The following MEIS1 variants were observed in gnomAD, a reference collection of about 807,000 sequenced individuals.
MEIS1 encodes Meis homeobox 1, also known as homeobox protein Meis1.
In MEIS1, 5 loss-of-function variants were observed where a neutral mutation model predicts 50.8. The ratio of observed to expected loss-of-function variants is 0.10; its 90% confidence interval spans 0.05 to 0.21. The LOEUF (loss-of-function observed/expected upper bound fraction) is 0.21. Ranked by LOEUF, MEIS1 falls within the 10% of genes least tolerant of loss-of-function variation. The probability of loss-of-function intolerance (pLI) is 1.00; values close to 1 mark genes in which losing one functional copy is unlikely to be tolerated. For synonymous variants in MEIS1, 176 were observed against 179.3 expected, an observed-to-expected ratio of 0.98 and a Z score of 0.15; for missense variants, 318 against 517.3, an observed-to-expected ratio of 0.61 and a Z score of 3.74.
chr2:66,484,012 A>G (rs148649722), intron 7 of MEIS1, among the ~76,000 whole-genome samples: 75 of 152,304 alleles, frequency 4.9e-4, no homozygotes, highest in African/African-American at 1.7e-3. Context: ...GGTAAATCTT[A>G]AGATATGGAA....
At chr2:66,511,298 T>G (rs1173431195) in intron 7 of MEIS1, among the ~76,000 whole-genome samples, 1 of 152,170 alleles carries the variant, frequency 6.6e-6, no homozygotes, top group African/African-American at 2.4e-5. Context: ...TTAAATTTCA[T>G]TATGTCACAG....
At chr2:66,571,031 AG>A (rs1675474040) in intron 12 of MEIS1, 1 of 539,366 alleles carries the variant, frequency 1.9e-6, no homozygotes, top group Non-Finnish European at 3.2e-6. Context: ...ACCTGATAAC[AG>A]TGACAATGAA....
At chr2:66,545,036 G>A (rs1378001432) in intron 8 of MEIS1, among the ~76,000 whole-genome samples, 1 of 152,124 alleles carries the variant, frequency 6.6e-6, no homozygotes, top group Non-Finnish European at 1.5e-5. Context: ...GCATGCAAAA[G>A]TACTCTTGAA....
chr2:66,554,236 C>A (rs1488225069), intron 9 of MEIS1, among the ~76,000 whole-genome samples: 1 of 152,208 alleles, frequency 6.6e-6, no homozygotes, highest in Non-Finnish European at 1.5e-5. Context: ...AAACCAGTGA[C>A]AACGGAGGTT....
chr2:66,483,565 C>T (rs532983851), intron 7 of MEIS1, among the ~76,000 whole-genome samples: 21 of 152,314 alleles, frequency 1.4e-4, no homozygotes, highest in African/African-American at 4.1e-4. Context: ...CTGTCCATCA[C>T]TCTGAAATGT....
intron 9 of MEIS1, among the ~76,000 whole-genome samples, chr2:66,555,560 A>G (rs1675040187): frequency 6.6e-6 from 1 of 152,192 alleles, no homozygotes; most frequent in African/African-American, 2.4e-5. Context: ...CTAGCAAGTC[A>G]GGTTTAGGTC....
chr2:66,473,248 C>G (rs959906875), intron 7 of MEIS1, among the ~76,000 whole-genome samples: 1 of 151,010 alleles, frequency 6.6e-6, no homozygotes, highest in African/African-American at 2.4e-5. Flanking sequence ...TATAGTGGTG[C>G]GTGCCTGTAA....
chr2:66,567,075 G>A (rs1044030630), intron 9 of MEIS1, among the ~76,000 whole-genome samples: 1 of 152,316 alleles, frequency 6.6e-6, no homozygotes, highest in African/African-American at 2.4e-5. Context: ...CTAATTAGGA[G>A]AGGTAACAGA....
At chr2:66,563,069 C>G (rs896788791) in intron 9 of MEIS1, among the ~76,000 whole-genome samples, 6 of 152,134 alleles carry the variant, frequency 3.9e-5, no homozygotes, top group Non-Finnish European at 7.4e-5. Flanking sequence ...GTGAGCAAAA[C>G]TGTCATGTGG....
intron 8 of MEIS1, among the ~76,000 whole-genome samples, chr2:66,538,100 A>C (rs190936516): frequency 6.6e-6 from 1 of 152,212 alleles, no homozygotes; most frequent in Non-Finnish European, 1.5e-5. Flanking sequence ...GAGAGTAGGA[A>C]GGGAATTTTG....
At chr2:66,494,592 G>A (rs547888960) in intron 7 of MEIS1, among the ~76,000 whole-genome samples, 2 of 152,326 alleles carry the variant, frequency 1.3e-5, no homozygotes, top group South Asian at 2.1e-4. Context: ...TAAAGGTGGT[G>A]TAATATCAGC....
intron 7 of MEIS1, among the ~76,000 whole-genome samples, chr2:66,473,397 A>AAAAAAAAAAAAAAAAATAGATATATATAT: frequency 9.3e-6 from 1 of 107,614 alleles, no homozygotes; most frequent in Admixed American, 9.6e-5. Context: ...AAAAAAAAAA[A>AAAAAAAAAAAAAAAAATAGATATATATAT]ATATATATAT....
intron 4 of MEIS1, 126 bp from the exon 5 acceptor site, chr2:66,441,288 T>C: frequency 1.3e-6 from 1 of 745,140 alleles, no homozygotes; most frequent in Non-Finnish European, 2.1e-6. Flanking sequence ...AGTTTTAGTG[T>C]TATTGCCATA....
At chr2:66,544,019 A>T (rs1308750787) in intron 8 of MEIS1, among the ~76,000 whole-genome samples, 1 of 152,214 alleles carries the variant, frequency 6.6e-6, no homozygotes, top group Non-Finnish European at 1.5e-5. Context: ...CAATAACAGC[A>T]AAGGTGTTTG....
intron 7 of MEIS1, among the ~76,000 whole-genome samples, chr2:66,504,509 T>TA (rs1406680062): frequency 1.3e-5 from 2 of 152,156 alleles, no homozygotes. Flanking sequence ...GTGCTGGGAT[T>TA]ATAGTTAATA....
At chr2:66,564,517 A>G (rs1239410981) in intron 9 of MEIS1, among the ~76,000 whole-genome samples, 2 of 152,170 alleles carry the variant, frequency 1.3e-5, no homozygotes, top group African/African-American at 4.8e-5. Context: ...TGGACTCAAT[A>G]TCCTAGAAGG....
intron 7 of MEIS1, among the ~76,000 whole-genome samples, chr2:66,475,830 G>A (rs777699950): frequency 1.3e-5 from 2 of 152,180 alleles, no homozygotes; most frequent in Non-Finnish European, 2.9e-5. Flanking sequence ...TGATTGATTG[G>A]ACTAGGTATC....
At chr2:66,489,490 G>T (rs1384748650) in intron 7 of MEIS1, among the ~76,000 whole-genome samples, 2 of 152,170 alleles carry the variant, frequency 1.3e-5, no homozygotes, top group Admixed American at 1.3e-4. Flanking sequence ...GCATTAAAAT[G>T]TATCTGTGAT....
intron 6 of MEIS1, among the ~76,000 whole-genome samples, chr2:66,457,351 A>G (rs1672416242): frequency 6.6e-6 from 1 of 152,134 alleles, no homozygotes; most frequent in South Asian, 2.1e-4. Context: ...GTTATCAAGC[A>G]GATACAAATG....
Sources: gnomAD v4.1 joint callset for allele counts (sites outside exome capture counted in the v4.1 genomes callset) on GRCh38, gnomAD v4.1.1 for gene constraint, MANE v1.5 for transcripts, NCBI Gene and HGNC (gene_info 2026-07-23, HGNC 2026-07-21) for gene names.